Variants in TMEM232 observed in about 807,000 individuals in gnomAD.
The protein encoded by TMEM232 is transmembrane protein 232.
In TMEM232, 80 loss-of-function variants were observed where a neutral mutation model predicts 78.8. The ratio of observed to expected loss-of-function variants is 1.01; its 90% CI spans 0.85 to 1.22. The LOEUF is 1.22. Among genes scored for constraint, TMEM232 ranks in the 50% most tolerant of loss-of-function variants. TMEM232 has a pLI of 0.00. For synonymous variants in TMEM232, 297 were observed against 254.3 expected (o/e 1.17, Z -1.60); for missense variants, 881 against 742.2 (o/e 1.19, Z -2.17).
chr5:110,719,237 A>G (rs1212559229), intron 1 of TMEM232, among the ~76,000 whole-genome samples: 1 of 151,352 alleles, frequency 6.6e-6, no homozygotes, highest in African/African-American at 2.5e-5. Flanking sequence ...GTATATATAC[A>G]CACACAGTCA....
chr5:110,405,040 A>C (rs994622738), intron 2 of TMEM232, among the ~76,000 whole-genome samples: 2 of 152,188 alleles, frequency 1.3e-5, no homozygotes, highest in African/African-American at 4.8e-5. Context: ...AACAGAAAGA[A>C]ATAACATATT....
At chr5:110,656,565 C>A (rs1418729176) in intron 2 of TMEM232, among the ~76,000 whole-genome samples, 2 of 152,160 alleles carry the variant, frequency 1.3e-5, no homozygotes, top group Non-Finnish European at 2.9e-5. Context: ...TCAGGCCAGG[C>A]ACAGTGGCTC....
rs922763584 is a variant in TMEM232 at position 110,528,643 on chromosome 5, A to C, written c.1648T>G (p.Tyr550Asp). 3.9e-6 allele frequency: 6 copies of C among 1,533,484 alleles called. No homozygotes were observed. The highest frequency in any genetic ancestry group is 1.4e-5 in the African/African-American group (1 of 73,092). The allele number at this position is 1,533,484 out of a possible 1,614,324, so 95.0% of individuals were successfully genotyped here. A position where few individuals can be genotyped will look rare whatever the true frequency, so the allele number is the denominator to read the frequency against. Residue 550 changes from tyrosine (Y) to aspartate (D), a missense_variant, in exon 12 of 14, where the codon TAT becomes GAT. By Grantham distance (160) the Tyr-to-Asp change is radical (BLOSUM62 -3). Coordinates refer to ENST00000455884, the MANE Select transcript of TMEM232 (RefSeq NM_001039763.4). ...KPSIKKDQTK[Y>D]PNKKLESVKK... ...ACAGACTCCAGCTTTTTATTTGGATATTTTGTTTGATCCTTTTTTATTGAT... is the reference window on the plus strand; with the variant it reads ...ACAGACTCCAGCTTTTTATTTGGATCTTTTGTTTGATCCTTTTTTATTGAT...
chr5:110,665,946 G>A (rs938161119), intron 2 of TMEM232, among the ~76,000 whole-genome samples: 4 of 151,136 alleles, frequency 2.6e-5, no homozygotes, highest in African/African-American at 7.3e-5. Flanking sequence ...GCATGTGCCC[G>A]TGGTGCCAGC....
intron 2 of TMEM232, among the ~76,000 whole-genome samples, chr5:110,406,835 G>A (rs1755811064): frequency 6.6e-6 from 1 of 152,060 alleles, no homozygotes; most frequent in African/African-American, 2.4e-5. Context: ...AAATCAAAAT[G>A]TAGTGGAAAT....
At position 110,644,261 on chromosome 5, in the gene TMEM232, T is replaced by C. The variant is rs1030722680; in HGVS notation, c.126-1890A>G. ...CATCTGGGATAACATATTTTTGATC[T>C]ATGTGAACCTACGCTACATAAAGTG... is the stretch of plus-strand genomic sequence containing the variant. On this transcript the variant is annotated intron_variant, in intron 2 of 13. Transcript: ENST00000455884. 3.3e-5 allele frequency among the ~76,000 whole-genome samples: 5 copies of C among 151,938 alleles called. No individual in the cohort carries two copies. The East Asian group carries it at 9.6e-4, about 29-fold the overall frequency.
intron 8 of TMEM232, among the ~76,000 whole-genome samples, chr5:110,609,596 G>T (rs1781937258): frequency 6.6e-6 from 1 of 151,948 alleles, no homozygotes; most frequent in Admixed American, 6.6e-5. Flanking sequence ...AGGCATGTGG[G>T]ATGGGAGAAG....
intron 1 of TMEM232, among the ~76,000 whole-genome samples, chr5:110,685,436 T>C (rs1319693350): frequency 6.6e-6 from 1 of 151,900 alleles, no homozygotes; most frequent in Non-Finnish European, 1.5e-5. Flanking sequence ...TTTGGAAAAA[T>C]TCAAATTAAA....
At chr5:110,557,086 A>G (rs190518360) in intron 11 of TMEM232, among the ~76,000 whole-genome samples, 1 of 152,094 alleles carries the variant, frequency 6.6e-6, no homozygotes, top group East Asian at 1.9e-4. Flanking sequence ...TCTCTTTTAT[A>G]TATTTTTATC....
At chr5:110,496,742 T>G (rs2149433081) in intron 12 of TMEM232, among the ~76,000 whole-genome samples, 1 of 152,028 alleles carries the variant, frequency 6.6e-6, no homozygotes, top group East Asian at 1.9e-4. Context: ...AATCTTTCCC[T>G]TTACCAAATT....
chr5:110,567,123 T>C (rs1776434868), intron 11 of TMEM232, among the ~76,000 whole-genome samples: 1 of 151,834 alleles, frequency 6.6e-6, no homozygotes, highest in Non-Finnish European at 1.5e-5. Flanking sequence ...TCCCACCAGG[T>C]ACCTTCCATA....
rs1797297205 is a variant in TMEM232, at chr5:110,718,947, T to G, written c.-13+7680A>C. ...TTTCATGGAATATAGTTCATTTATA[T>G]AGTTATATGTCACTTAATGATGGAG... On this transcript the variant is annotated intron_variant, in intron 1 of 13. Transcript: ENST00000455884. 2.0e-5 allele frequency among the ~76,000 whole-genome samples: 3 copies of G among 152,064 alleles called. No individual in the cohort carries two copies. The South Asian group carries it at 6.2e-4, about 31-fold the overall frequency.
chr5:110,463,471 A>C (rs1761750768), intron 12 of TMEM232, among the ~76,000 whole-genome samples: 1 of 152,206 alleles, frequency 6.6e-6, no homozygotes, highest in South Asian at 2.1e-4. Flanking sequence ...GTAGTCTAGA[A>C]TCCAACTTGC....
intron 3 of TMEM232, among the ~76,000 whole-genome samples, chr5:110,391,723 T>G (rs957579323): frequency 3.9e-5 from 6 of 152,218 alleles, no homozygotes; most frequent in African/African-American, 1.4e-4. Context: ...TATAATTAGA[T>G]TGTTTCATTC....
At chr5:110,738,369 GA>G, upstream of TMEM232, 1 of 615,938 alleles carries the variant, frequency 1.6e-6, no homozygotes, top group Non-Finnish European at 2.1e-6. Flanking sequence ...AAATACGACA[GA>G]AAACTATAGT....
intron 1 of TMEM232, among the ~76,000 whole-genome samples, chr5:110,699,846 C>T (rs963079528): frequency 2.6e-5 from 4 of 151,976 alleles, no homozygotes; most frequent in Non-Finnish European, 5.9e-5. Context: ...AGTGGGGAAC[C>T]TTCAATAACC....
upstream of TMEM232, chr5:110,738,637 G>T (rs1180070452): frequency 4.9e-6 from 1 of 203,054 alleles, no homozygotes; most frequent in Non-Finnish European, 1.0e-5. Flanking sequence ...AGCTTCCTCG[G>T]AGCAGGCGAG....
intron 11 of TMEM232, among the ~76,000 whole-genome samples, chr5:110,555,373 T>C (rs540806526): frequency 1.3e-5 from 2 of 152,272 alleles, no homozygotes; most frequent in East Asian, 1.9e-4. Context: ...AAGAGTATAA[T>C]TGGTATGATT....
intron 10 of TMEM232, among the ~76,000 whole-genome samples, chr5:110,593,546 T>C (rs978155138): frequency 6.6e-6 from 1 of 152,184 alleles, no homozygotes; most frequent in Non-Finnish European, 1.5e-5. Context: ...GAGGTCATTA[T>C]GTTAAATGAA....
Sources: allele counts gnomAD v4.1 joint callset (sites outside exome capture counted in the v4.1 genomes callset), GRCh38; gene constraint gnomAD v4.1.1; transcripts MANE v1.5; gene names NCBI Gene and HGNC (gene_info 2026-07-23, HGNC 2026-07-21).